ITSN2: variants seen among roughly 807,000 people sequenced by gnomAD.
The protein encoded by ITSN2 is intersectin 2, also known as intersectin-2.
ITSN2 carries 156 observed loss-of-function variants against 243.7 expected under a neutral mutation model. The observed-to-expected ratio is 0.64, with a 90% CI of 0.56 to 0.73. The LOEUF (loss-of-function observed/expected upper bound fraction) is 0.73, where lower values mean the gene tolerates loss of function less well. Ranked by LOEUF, ITSN2 falls within the 30% of genes least tolerant of loss-of-function variation. ITSN2 has a pLI of 0.00. For synonymous variants in ITSN2, 703 were observed against 699.9 expected, an observed-to-expected ratio of 1.00 and a Z score of -0.07; for missense variants, 1,801 against 1,996.1, an observed-to-expected ratio of 0.90 and a Z score of 1.86.
intron 17 of ITSN2, among the ~76,000 whole-genome samples, chr2:24,283,697 G>T (rs1232829786): frequency 2.0e-5 from 3 of 152,196 alleles, no homozygotes; most frequent in Admixed American, 6.5e-5. Flanking sequence ...AATAAGCAGT[G>T]TAAGTCTGGA....
intron 18 of ITSN2, among the ~76,000 whole-genome samples, chr2:24,275,031 A>G (rs1201585340): frequency 1.3e-5 from 2 of 152,226 alleles, no homozygotes; most frequent in African/African-American, 4.8e-5. Flanking sequence ...AATGGAGGCA[A>G]TTAATATATC....
intron 29 of ITSN2, among the ~76,000 whole-genome samples, chr2:24,229,290 T>C (rs927149688): frequency 1.3e-5 from 2 of 152,124 alleles, no homozygotes; most frequent in African/African-American, 4.8e-5. Flanking sequence ...TACATTCTTT[T>C]TCCATAGAAC....
Position 24,298,670 on chromosome 2 carries a change from C to G in ITSN2, c.1489G>C (p.Ala497Pro). ...KKKNLHLELE[A>P]LNGKHQQISG... ...CACTTAAACTTCAGCCATACCAGTG[C>G]TTCCAACTCAAGATGAAGATTCTTC... Residue 497 changes from alanine (A) to proline (P), a missense_variant, in exon 13 of 40, where the codon GCA (alanine) becomes CCA (proline). Transcript: ENST00000355123. The G allele has an allele frequency of 6.3e-7, 1 of 1,599,328 alleles. No individual in the cohort carries two copies. Among genetic ancestry groups the G allele is most frequent in the Non-Finnish European group, 8.5e-7 (1 of 1,175,884 alleles).
intron 1 of ITSN2, among the ~76,000 whole-genome samples, chr2:24,330,146 C>T (rs1685607046): frequency 6.6e-6 from 1 of 152,180 alleles, no homozygotes; most frequent in Non-Finnish European, 1.5e-5. Flanking sequence ...AAAGATGGCT[C>T]TAACAACAGA....
At chr2:24,275,333 C>T (rs909126420) in intron 18 of ITSN2, among the ~76,000 whole-genome samples, 24 of 152,320 alleles carry the variant, frequency 1.6e-4, no homozygotes, top group Middle Eastern at 3.4e-3. Context: ...GGACTACAGG[C>T]GTGTGTCACC....
intron 2 of ITSN2, among the ~76,000 whole-genome samples, chr2:24,327,777 C>G (rs1200022760): frequency 6.6e-6 from 1 of 152,102 alleles, no homozygotes; most frequent in Non-Finnish European, 1.5e-5. Context: ...TAGCACTCTG[C>G]TATTTGTCAT....
intron 15 of ITSN2, among the ~76,000 whole-genome samples, chr2:24,287,256 T>C (rs571102261): frequency 6.6e-5 from 10 of 152,120 alleles, no homozygotes; most frequent in Non-Finnish European, 1.0e-4. Flanking sequence ...TTCTTTTAAA[T>C]TGCTCCATAG....
At position 24,225,341 on chromosome 2, in the gene ITSN2, A is replaced by G. The variant is rs1670922660; in HGVS notation, c.3578-4275T>C. On this transcript the variant is annotated intron_variant, in intron 29 of 39. Transcript: ENST00000355123. This position sits in a 1 kb window ranked among gnomAD's most constrained non-coding sequence, Gnocchi z 4.2. ...AATGTCACTAGAGGGGTTTACACCCATGGCCAACTCTCGCTAGCTTTCCCT... is the reference window on the plus strand; with the variant it reads ...AATGTCACTAGAGGGGTTTACACCCGTGGCCAACTCTCGCTAGCTTTCCCT... Among the ~76,000 whole-genome samples the G allele has an allele frequency of 6.6e-6, 1 of 152,116 alleles. No individual in the cohort carries two copies. The highest frequency in any genetic ancestry group is 6.6e-5 in the Admixed American group (1 of 15,262).
intron 2 of ITSN2, among the ~76,000 whole-genome samples, chr2:24,317,970 C>A (rs1684119760): frequency 6.6e-6 from 1 of 152,108 alleles, no homozygotes; most frequent in Admixed American, 6.5e-5. Context: ...CTTTTTAGAG[C>A]AGTTTTAGGT....
Position 24,293,721 on chromosome 2 carries a change from T to C in ITSN2, c.1690A>G (p.Arg564Gly), listed in dbSNP as rs1680582447. ...TTACTGAACTGCATGTTTTTAATTC[T>C]TTCATTTAATAATTGCTTCTCAGGT... is the stretch of plus-strand genomic sequence containing the variant. ...LVPEKQLLNERIKNMQFSNTP... is the reference protein window; with the variant it reads ...LVPEKQLLNEGIKNMQFSNTP... The change falls in exon 15 of 40, where the codon AGA becomes GGA. Residue 564 changes from arginine (R) to glycine (G), a missense_variant. Arg to Gly is a moderately radical substitution (Grantham distance 125). Transcript: ENST00000355123. The C allele has an allele frequency of 7.9e-7, 1 of 1,273,842 alleles. No homozygotes were observed. The allele number at this position is 1,273,842 out of a possible 1,614,324, so 78.9% of individuals were successfully genotyped here.
At chr2:24,269,531 GTCACTGCCACCAGAATGGC>G (rs1254222283) in intron 20 of ITSN2, among the ~76,000 whole-genome samples, 4 of 152,112 alleles carry the variant, frequency 2.6e-5, no homozygotes, top group African/African-American at 9.7e-5. Context: ...TGTTTCTGTT[GTCACTGCCACCAGAATGGC>G]TCTCTGACCA....
intron 1 of ITSN2, among the ~76,000 whole-genome samples, chr2:24,358,904 T>A (rs1341755531): frequency 6.6e-6 from 1 of 152,184 alleles, no homozygotes; most frequent in Non-Finnish European, 1.5e-5. Context: ...TTACCTTTCA[T>A]TACAAAGGTG....
intron 1 of ITSN2, among the ~76,000 whole-genome samples, chr2:24,338,229 T>C (rs1027244843): frequency 5.0e-4 from 76 of 152,338 alleles, no homozygotes; most frequent in African/African-American, 1.8e-3. Context: ...AACCCAGTCT[T>C]TTCCTTTCTA....
At chr2:24,269,254 C>G (rs1368462763) in intron 20 of ITSN2, among the ~76,000 whole-genome samples, 2 of 152,160 alleles carry the variant, frequency 1.3e-5, no homozygotes, top group Non-Finnish European at 2.9e-5. Flanking sequence ...AGATTTACAT[C>G]CTCAGCCCAG....
intron 1 of ITSN2, chr2:24,334,393 C>T: frequency 2.6e-6 from 1 of 384,776 alleles, no homozygotes; most frequent in Non-Finnish European, 5.0e-6. Context: ...TGGGGTTTCA[C>T]CATCTTGGCC....
At position 24,248,719 on chromosome 2, in the gene ITSN2, A is replaced by C. The variant is rs761137307; in HGVS notation, c.3198T>G (p.Ala1066=). The C allele has an allele frequency of 9.9e-6, 16 of 1,613,456 alleles. No individual in the cohort carries two copies. Among genetic ancestry groups the C allele is most frequent in the African/African-American group, 1.3e-5 (1 of 74,892 alleles). The change falls in exon 27 of 40, where the codon GCT becomes GCG. Residue 1066 remains alanine (A), a synonymous_variant. Coordinates refer to ENST00000355123, the MANE Select transcript of ITSN2 (RefSeq NM_006277.3). The part of the protein sequence containing the change: ...EIAQVTSAYV[A]SGSEQLSLAP... The stretch of plus-strand genomic sequence containing the variant: ...CAAGGCTAAGTTGTTCAGAACCAGA[A>C]GCAACATATGCTGAAGTTACCTGAG...
intron 4 of ITSN2, 111 bp from the exon 5 acceptor site, chr2:24,312,486 T>A (rs1430580416): frequency 3.2e-6 from 2 of 627,136 alleles, no homozygotes; most frequent in Non-Finnish European, 5.3e-6. Flanking sequence ...CACGTGTACA[T>A]CATCACTAAA....
Position 24,293,691 on chromosome 2 carries a change from G to A in ITSN2, c.1720C>T (p.Pro574Ser). The change falls in exon 15 of 40, where the codon CCT becomes TCT. Residue 574 changes from proline to serine, a missense_variant. Around this residue, in one of 5 missense-constraint regions of ITSN2, gnomAD observed 787 missense variants for 803.9 expected, o/e 0.98. Coordinates refer to ENST00000355123, the MANE Select transcript of ITSN2 (RefSeq NM_006277.3). ...CAGACAAACCTTAGAGACTTACCAGGTGTGTTACTGAACTGCATGTTTTTA... is the reference window on the plus strand; with the variant it reads ...CAGACAAACCTTAGAGACTTACCAGATGTGTTACTGAACTGCATGTTTTTA... ...RIKNMQFSNT[P>S]DSGVSLLHKK... The A allele has an allele frequency of 9.4e-7, 1 of 1,065,254 alleles. No individual in the cohort carries two copies. Among genetic ancestry groups the A allele is most frequent in the Non-Finnish European group, 1.4e-6 (1 of 723,212 alleles). 66.0% of individuals were successfully genotyped at this position (1,065,254 alleles called of 1,614,324 possible).
At chr2:24,288,499 T>C (rs948496897) in intron 15 of ITSN2, among the ~76,000 whole-genome samples, 1 of 152,160 alleles carries the variant, frequency 6.6e-6, no homozygotes, top group African/African-American at 2.4e-5. Context: ...ACATAATGTG[T>C]ATGTTAATTA....
Sources: allele counts gnomAD v4.1 joint callset (sites outside exome capture counted in the v4.1 genomes callset), GRCh38; gene constraint gnomAD v4.1.1; regional missense constraint gnomAD v4.1.1; non-coding constraint Gnocchi (gnomAD v3.1); transcripts MANE v1.5; gene names NCBI Gene and HGNC (gene_info 2026-07-23, HGNC 2026-07-21).